NOL4: variants seen among roughly 807,000 people sequenced by gnomAD.
NOL4 encodes cancer/testis antigen 125.
A neutral mutation model predicts 75.9 loss-of-function variants in NOL4; 17 were observed. The ratio of observed to expected loss-of-function variants is 0.22; its 90% CI spans 0.15 to 0.34. The LOEUF (loss-of-function observed/expected upper bound fraction) is 0.34, where lower values mean the gene tolerates loss of function less well. NOL4 is among the 10% of genes least tolerant of loss of function. The pLI is 1.00. For synonymous variants in NOL4, 292 were observed against 289.9 expected (o/e 1.01, Z -0.07); for missense variants, 614 against 793.5 (o/e 0.77, Z 2.72).
At chr18:34,215,089 A>G (rs984940923) in intron 1 of NOL4, among the ~76,000 whole-genome samples, 1 of 152,238 alleles carries the variant, frequency 6.6e-6, no homozygotes, top group Non-Finnish European at 1.5e-5. Context: ...CTGTTGCAAG[A>G]CAATGTGAAT....
intron 4 of NOL4, among the ~76,000 whole-genome samples, chr18:34,101,822 A>T (rs1466085514): frequency 9.9e-5 from 15 of 151,992 alleles, no homozygotes. Flanking sequence ...TATAAATCAG[A>T]TCACATGACT....
chr18:34,118,146 T>C (rs2145812395), intron 2 of NOL4, among the ~76,000 whole-genome samples: 1 of 152,314 alleles, frequency 6.6e-6, no homozygotes, highest in Admixed American at 6.5e-5. Context: ...CCACCTTTTG[T>C]TTTTAAAATG....
At chr18:33,862,496 G>A (rs2063198529) in intron 10 of NOL4, among the ~76,000 whole-genome samples, 2 of 152,024 alleles carry the variant, frequency 1.3e-5, no homozygotes, top group South Asian at 2.1e-4. Context: ...GCACAAAATG[G>A]GAGAAAATTT....
At chr18:34,009,285 A>G (rs1030861179) in intron 6 of NOL4, among the ~76,000 whole-genome samples, 2 of 151,954 alleles carry the variant, frequency 1.3e-5, no homozygotes, top group African/African-American at 4.8e-5. Context: ...CTGGATAATA[A>G]GTGTAACTAA....
intron 9 of NOL4, among the ~76,000 whole-genome samples, chr18:33,903,299 T>C (rs1166496622): frequency 1.3e-5 from 2 of 152,128 alleles, no homozygotes; most frequent in Admixed American, 6.6e-5. Flanking sequence ...TTCACTATGA[T>C]GAGAACAGCA....
chr18:34,006,912 G>T lies in NOL4; in HGVS notation c.1056+12406C>A, dbSNP rs367804143. On this transcript the variant is annotated intron_variant, in intron 6 of 10. Coordinates refer to ENST00000261592, the MANE Select transcript of NOL4 (RefSeq NM_003787.5). Reference sequence around the variant, plus strand: ...AATTAATGTATGATGCTGTGTCTTTGATAGCAGGATTTATGAGCCCAGGAA... The same window carrying T: ...AATTAATGTATGATGCTGTGTCTTTTATAGCAGGATTTATGAGCCCAGGAA... Among the ~76,000 whole-genome samples, 19 of 152,056 alleles carry T rather than the reference G, an allele frequency of 1.2e-4. No homozygotes were observed. The South Asian group carries it at 2.1e-3, about 17-fold the overall frequency.
intron 9 of NOL4, among the ~76,000 whole-genome samples, chr18:33,915,002 T>G (rs922941604): frequency 6.6e-6 from 1 of 152,036 alleles, no homozygotes; most frequent in Non-Finnish European, 1.5e-5. Flanking sequence ...CCAGGAGCAC[T>G]CTAAATTTTA....
chr18:34,093,369 A>G, intron 5 of NOL4, 96 bp downstream of exon 5: 1 of 1,263,026 alleles, frequency 7.9e-7, no homozygotes, highest in Non-Finnish European at 1.1e-6. Flanking sequence ...ATTTTTAAAA[A>G]TTGACACAAG....
chr18:34,044,898 G>C (rs1248144063), intron 5 of NOL4, among the ~76,000 whole-genome samples: 2 of 152,092 alleles, frequency 1.3e-5, no homozygotes, highest in Non-Finnish European at 2.9e-5. Flanking sequence ...CATGGGCCAA[G>C]ACTATAGTCT....
At chr18:33,956,534 G>A (rs2069662732) in intron 8 of NOL4, among the ~76,000 whole-genome samples, 1 of 152,000 alleles carries the variant, frequency 6.6e-6, no homozygotes, top group Admixed American at 6.6e-5. Context: ...AGAAAAAAAT[G>A]GTTTCACAAA....
intron 6 of NOL4, among the ~76,000 whole-genome samples, chr18:34,001,055 ATATGTTCCTATATTT>A (rs2146225139): frequency 6.6e-6 from 1 of 152,298 alleles, no homozygotes; most frequent in Non-Finnish European, 1.5e-5. Flanking sequence ...ATCTTAAGGA[ATATGTTCCTATATTT>A]TAGAAATTAG....
intron 1 of NOL4, among the ~76,000 whole-genome samples, chr18:34,134,824 T>C (rs2080825184): frequency 6.6e-6 from 1 of 152,074 alleles, no homozygotes; most frequent in African/African-American, 2.4e-5. Context: ...TTGGGAAAAC[T>C]ACAAATATAA....
chr18:34,035,124 A>G (rs1402019276), intron 5 of NOL4, among the ~76,000 whole-genome samples: 1 of 150,122 alleles, frequency 6.7e-6, no homozygotes, highest in Non-Finnish European at 1.5e-5. Context: ...ACAGACATTT[A>G]AAAAAACATT....
At chr18:33,875,771 A>T (rs1465912382) in intron 10 of NOL4, among the ~76,000 whole-genome samples, 3 of 152,020 alleles carry the variant, frequency 2.0e-5, no homozygotes, top group African/African-American at 7.2e-5. Flanking sequence ...TATTAAGCAA[A>T]TATTATTGAG....
intron 8 of NOL4, among the ~76,000 whole-genome samples, chr18:33,951,135 T>G (rs974323775): frequency 6.6e-6 from 1 of 152,138 alleles, no homozygotes; most frequent in East Asian, 1.9e-4. Context: ...GCTGCTAATT[T>G]TTTATTATTT....
intron 6 of NOL4, among the ~76,000 whole-genome samples, chr18:33,998,424 T>C (rs1011486163): frequency 1.3e-5 from 2 of 152,094 alleles, no homozygotes; most frequent in African/African-American, 2.4e-5. Flanking sequence ...CAGTATTATA[T>C]ACCTTTTGAG....
chr18:34,162,401 G>T (rs1289863932), intron 1 of NOL4, among the ~76,000 whole-genome samples: 1 of 151,948 alleles, frequency 6.6e-6, no homozygotes, highest in Non-Finnish European at 1.5e-5. Context: ...AATGATAAAG[G>T]GGATATCACT....
intron 9 of NOL4, among the ~76,000 whole-genome samples, chr18:33,893,717 C>T (rs1486188891): frequency 6.6e-6 from 1 of 151,918 alleles, no homozygotes; most frequent in Non-Finnish European, 1.5e-5. Context: ...AATACATATA[C>T]CTTGTTTCTG....
intron 2 of NOL4, among the ~76,000 whole-genome samples, chr18:34,126,242 T>C (rs2080384832): frequency 6.6e-6 from 1 of 152,118 alleles, no homozygotes. Context: ...TTATCCACCA[T>C]ATAAAGAAAA....
Sources: allele counts gnomAD v4.1 joint callset (sites outside exome capture counted in the v4.1 genomes callset), GRCh38; gene constraint gnomAD v4.1.1; transcripts MANE v1.5; gene names NCBI Gene and HGNC (gene_info 2026-07-23, HGNC 2026-07-21).